The following ZNF433 variants were observed in gnomAD, a reference collection of about 807,000 sequenced individuals.
ZNF433 encodes zinc finger protein 433.
A neutral mutation model predicts 10.6 loss-of-function variants in ZNF433; 12 were observed. That is an observed-to-expected ratio of 1.13 (90% CI 0.72 to 1.83). ZNF433 has a LOEUF of 1.83. ZNF433 is among the 40% of genes most tolerant of loss of function. The probability of loss-of-function intolerance (pLI) is 0.00; values close to 1 mark genes in which losing one functional copy is unlikely to be tolerated. For synonymous variants in ZNF433, 272 were observed against 271.3 expected, an observed-to-expected ratio of 1.00 and a Z score of -0.02; for missense variants, 737 against 798.0, an observed-to-expected ratio of 0.92 and a Z score of 0.92.
chr19:12,017,625 A>AG (rs1170992026), intron 3 of ZNF433, among the ~76,000 whole-genome samples: 1 of 151,984 alleles, frequency 6.6e-6, no homozygotes, highest in Non-Finnish European at 1.5e-5. Flanking sequence ...TGCCATCATG[A>AG]CTTAGTATGG....
In ZNF433 at chr19:12,035,649, C is replaced by G; in HGVS notation, c.-110G>C. On this transcript the variant is annotated 5_prime_UTR_variant, in exon 1 of 4. Coordinates refer to ENST00000550507, the MANE Select transcript of ZNF433 (RefSeq NM_001308348.2). Reference sequence around the variant, plus strand: ...CGGAGGGGAAAGCCAGGCTCCCAACCTCAGCTCGCCGCCTGGAGCCGGGAA... The same window carrying G: ...CGGAGGGGAAAGCCAGGCTCCCAACGTCAGCTCGCCGCCTGGAGCCGGGAA... 1 of 1,445,508 alleles carries G rather than the reference C, an allele frequency of 6.9e-7. No homozygotes were observed. Among genetic ancestry groups the G allele is most frequent in the East Asian group, 2.6e-5 (1 of 38,354 alleles). 89.5% of individuals were successfully genotyped at this position (1,445,508 alleles called of 1,614,324 possible).
intron 2 of ZNF433, 40 bp downstream of exon 2, chr19:12,018,126 T>A: frequency 6.5e-7 from 1 of 1,529,040 alleles, no homozygotes; most frequent in East Asian, 2.3e-5. Context: ...AAAAAACTTG[T>A]TGTCTCATTT....
Position 12,015,831 on chromosome 19 carries a change from C to CT in ZNF433, c.1026dup (p.Val343SerfsTer22). On this transcript the variant is annotated frameshift_variant, in exon 4 of 4. Coordinates refer to ENST00000550507, the MANE Select transcript of ZNF433 (RefSeq NM_001308348.2). LOFTEE classifies it low-confidence loss of function (END_TRUNC). The stretch of plus-strand genomic sequence containing the variant: ...TGAAAGCTGGTAAGATAAGATAATA[C>CT]TTTCCCACAATGTTTACATTCATAG... 6.2e-7 allele frequency: 1 copy of CT among 1,614,164 alleles called. No homozygotes were observed. Among genetic ancestry groups the CT allele is most frequent in the Non-Finnish European group, 8.5e-7 (1 of 1,180,030 alleles).
rs756309599 is a variant in ZNF433 at position 12,035,576 on chromosome 19, G to A, written c.-37C>T. 25 of 1,562,316 alleles carry A rather than the reference G, an allele frequency of 1.6e-5. No homozygotes were observed. The highest frequency in any genetic ancestry group is 2.1e-5 in the Non-Finnish European group (24 of 1,153,618). On this transcript the variant is annotated 5_prime_UTR_variant, in exon 1 of 4. Transcript: ENST00000550507. ...CAGGTGACTCCCACGACCAGTGCGG[G>A]TCACAGCACAGGCGACAGAAGCTAT...
intron 1 of ZNF433, chr19:12,021,963 A>G (rs1442521037): frequency 4.4e-6 from 2 of 456,720 alleles, no homozygotes; most frequent in Non-Finnish European, 8.8e-6. Flanking sequence ...GCCTGGCGGT[A>G]CTGGCTGCCA....
intron 1 of ZNF433, 36 bp from the exon 2 acceptor site, chr19:12,018,328 A>G (rs1467990364): frequency 6.3e-7 from 1 of 1,593,060 alleles, no homozygotes; most frequent in Non-Finnish European, 8.5e-7. Flanking sequence ...AGGATGGATA[A>G]GACTAACATC....
In ZNF433 at chr19:12,018,184, T is replaced by C. The variant is rs377447972; in HGVS notation, c.112A>G (p.Arg38Gly). 1.9e-6 allele frequency: 3 copies of C among 1,603,060 alleles called. No individual in the cohort carries two copies. In the African/African-American group the frequency reaches 4.0e-5, roughly 22 times the overall value. The change falls in exon 2 of 4, where the codon AGG (arginine) becomes GGG (glycine). Residue 38 changes from arginine (R) to glycine (G), a missense_variant. Physicochemically the swap from Arg to Gly is moderately radical, Grantham distance 125 (BLOSUM62 -2). Coordinates refer to ENST00000550507, the MANE Select transcript of ZNF433 (RefSeq NM_001308348.2). ...LCRDVMQETFRNLASIGKKWK... is the reference protein window; with the variant it reads ...LCRDVMQETFGNLASIGKKWK... ...CCCTTACCTATAGAGGCCAGGTTCC[T>C]GAAGGTTTCTTGCATCACATCTCTA...
chr19:12,025,403 T>G (rs1188280486), intron 1 of ZNF433: 1 of 152,240 alleles, frequency 6.6e-6, no homozygotes, highest in Non-Finnish European at 1.5e-5. Context: ...GACCTTTAAC[T>G]GAAGGGAATC....
intron 1 of ZNF433, among the ~76,000 whole-genome samples, chr19:12,021,521 G>T (rs566019183): frequency 1.3e-5 from 2 of 152,244 alleles, no homozygotes; most frequent in Admixed American, 1.3e-4. Context: ...GCCTTGCCCT[G>T]TAATATAGGA....
rs1555713772 is a variant in ZNF433, at chr19:12,031,306, A to AAC, written c.3+4230_3+4231insGT. Among the ~76,000 whole-genome samples the AAC allele has an allele frequency of 7.6e-5, 10 of 131,238 alleles. 1 individual carries two copies. Among genetic ancestry groups the AAC allele is most frequent in the Admixed American group, 2.8e-4 (4 of 14,486 alleles). The allele number at this position is 131,238 out of a possible 152,430, so 86.1% of individuals were successfully genotyped here. On this transcript the variant is annotated intron_variant, in intron 1 of 3. Transcript: ENST00000550507. ...TGAGACTCCATCTCAAAAAAAAAAA[A>AAC]AAAACAAAACAAAAAAAAAAACAAA... is the stretch of plus-strand genomic sequence containing the variant.
At chr19:12,030,154 G>C (rs2145477589) in intron 1 of ZNF433, 2 of 445,578 alleles carry the variant, frequency 4.5e-6, no homozygotes, top group East Asian at 7.2e-5. Flanking sequence ...CACCAGATCT[G>C]TCAGCACCTT....
intron 1 of ZNF433, among the ~76,000 whole-genome samples, chr19:12,029,953 G>A (rs2145476078): frequency 6.6e-6 from 1 of 151,520 alleles, no homozygotes; most frequent in African/African-American, 2.4e-5. Context: ...ACGGTAGCAG[G>A]CACCTGTAAT....
chr19:12,030,575 A>G (rs1974969519), intron 1 of ZNF433, among the ~76,000 whole-genome samples: 1 of 152,218 alleles, frequency 6.6e-6, no homozygotes, highest in Admixed American at 6.5e-5. Context: ...AAAGCCCAAG[A>G]TGACTAAGAT....
In ZNF433 at chr19:12,015,854, T is replaced by A. The variant is rs1452982143; in HGVS notation, c.1004A>T (p.Tyr335Phe). ...TACTTTCCCACAATGTTTACATTCA[T>A]AGGGTTTTTTCCTAGAGTGGGTTCT... ...HERTHSRKKP[Y>F]ECKHCGKVLS... Residue 335 changes from tyrosine (Y) to phenylalanine (F), a missense_variant, in exon 4 of 4, where the codon TAT (tyrosine) becomes TTT (phenylalanine). Physicochemically the swap from Tyr to Phe is conservative, Grantham distance 22. Transcript: ENST00000550507. The A allele has an allele frequency of 1.2e-6, 2 of 1,613,944 alleles. No individual in the cohort carries two copies. The highest frequency in any genetic ancestry group is 2.7e-5 in the African/African-American group (2 of 74,926).
chr19:12,021,973 A>C, intron 1 of ZNF433: 1 of 456,740 alleles, frequency 2.2e-6, no homozygotes, highest in South Asian at 1.5e-5. Context: ...ACTGGCTGCC[A>C]ATTCAACCGT....
At chr19:12,026,721 C>T in intron 1 of ZNF433, 2 of 454,162 alleles carry the variant, frequency 4.4e-6, no homozygotes, top group Non-Finnish European at 8.8e-6. Context: ...GATTGCATTG[C>T]AGAACAGGCA....
intron 1 of ZNF433, among the ~76,000 whole-genome samples, chr19:12,033,865 TGAA>T (rs1247719835): frequency 1.3e-5 from 2 of 151,998 alleles, no homozygotes; most frequent in African/African-American, 4.8e-5. Context: ...TACTACAAAT[TGAA>T]GAAGGAGAGT....
Position 12,027,324 on chromosome 19 carries a change from C to T in ZNF433, c.3+8213G>A, listed in dbSNP as rs147294294. On this transcript the variant is annotated intron_variant, in intron 1 of 3. Coordinates refer to ENST00000550507, the MANE Select transcript of ZNF433 (RefSeq NM_001308348.2). ...ATAAAGCCACCTTTGCTTTTATTGT[C>T]TTGCAAAAACAAAAAGGGGGAACAT... The T allele has an allele frequency of 2.6e-3, 828 of 315,014 alleles. 6 individuals carry two copies. Among genetic ancestry groups the T allele is most frequent in the African/African-American group, 0.018 (802 of 44,400 alleles). 19.5% of individuals were successfully genotyped at this position (315,014 alleles called of 1,614,324 possible).
In ZNF433 at chr19:12,016,487, G is replaced by A. The variant is rs1183091497; in HGVS notation, c.371C>T (p.Thr124Ile). 1 of 1,614,104 alleles carries A rather than the reference G, an allele frequency of 6.2e-7. No homozygotes were observed. The highest frequency in any genetic ancestry group is 8.5e-7 in the Non-Finnish European group (1 of 1,180,016). Residue 124 changes from threonine to isoleucine, a missense_variant, in exon 4 of 4, where the codon ACT becomes ATT. Coordinates refer to ENST00000550507, the MANE Select transcript of ZNF433 (RefSeq NM_001308348.2). ...SSLNRHIRDD[T>I]GHKAYEYQEY... Reference sequence around the variant, plus strand: ...TTGATACTCATATGCCTTGTGTCCAGTGTCATCTCTGATGTGCCTATTAAG... The same window carrying A: ...TTGATACTCATATGCCTTGTGTCCAATGTCATCTCTGATGTGCCTATTAAG...
Sources: gnomAD v4.1 joint callset for allele counts (sites outside exome capture counted in the v4.1 genomes callset) on GRCh38, gnomAD v4.1.1 for gene constraint, MANE v1.5 for transcripts, NCBI Gene and HGNC (gene_info 2026-07-23, HGNC 2026-07-21) for gene names.